Variants in SLC25A42 observed in about 807,000 individuals in gnomAD.
SLC25A42 encodes mitochondrial coenzyme A transporter SLC25A42.
In SLC25A42, 19 loss-of-function variants were observed where a neutral mutation model predicts 34.7. The ratio of observed to expected loss-of-function variants is 0.55; its 90% CI spans 0.38 to 0.80. The LOEUF is 0.80. Among genes scored for constraint, SLC25A42 ranks in the 30% least tolerant of loss-of-function variants. SLC25A42 has a pLI of 0.00. For synonymous variants in SLC25A42, 205 were observed against 191.2 expected (o/e 1.07, Z -0.59); for missense variants, 364 against 441.3 (o/e 0.82, Z 1.57).
Position 19,083,771 on chromosome 19 carries a change from C to G in SLC25A42, c.-34-12320C>G, listed in dbSNP as rs569793311. On this transcript the variant is annotated intron_variant, in intron 1 of 7. Transcript: ENST00000318596. ...CCAGAAAAAGTGAAAGGGTACCTCA[C>G]TCCTGCATACCCCACTGCCCCAGCA... Among the ~76,000 whole-genome samples, 37 of 152,258 alleles carry G rather than the reference C, an allele frequency of 2.4e-4. 1 individual carries two copies. The highest frequency in any genetic ancestry group is 7.5e-4 in the African/African-American group (31 of 41,538).
At chr19:19,097,074 G>A (rs2036997096) in intron 2 of SLC25A42, among the ~76,000 whole-genome samples, 1 of 152,198 alleles carries the variant, frequency 6.6e-6, no homozygotes, top group Admixed American at 6.5e-5. Flanking sequence ...AATTGGGTCA[G>A]CCCTGTTGTT....
At position 19,107,955 on chromosome 19, in the gene SLC25A42, T is replaced by C; in HGVS notation, c.559T>C (p.Tyr187His). 1.2e-6 allele frequency: 2 copies of C among 1,614,060 alleles called. No homozygotes were observed. Among genetic ancestry groups the C allele is most frequent in the Non-Finnish European group, 1.7e-6 (2 of 1,179,968 alleles). The change falls in exon 7 of 8, where the codon TAC becomes CAC. Residue 187 changes from tyrosine to histidine, a missense_variant. Transcript: ENST00000318596. ...GAGAGAAGAGGGGCTGAAGACTCTC[T>C]ACCATGGATTTATGCCCACCGTGCT... ...ISREEGLKTL[Y>H]HGFMPTVLGV...
chr19:19,067,767 C>A (rs989976970), intron 1 of SLC25A42, among the ~76,000 whole-genome samples: 1 of 151,334 alleles, frequency 6.6e-6, no homozygotes, highest in Non-Finnish European at 1.5e-5. Context: ...ATGAGGGCAT[C>A]ATGAGAGATT....
chr19:19,097,056 C>T (rs1342869446), intron 2 of SLC25A42, among the ~76,000 whole-genome samples: 1 of 152,198 alleles, frequency 6.6e-6, no homozygotes, highest in Non-Finnish European at 1.5e-5. Flanking sequence ...AAGATATTCT[C>T]TCAAAGCAAT....
intron 1 of SLC25A42, among the ~76,000 whole-genome samples, chr19:19,086,171 C>T (rs896843599): frequency 6.6e-5 from 10 of 152,314 alleles, no homozygotes; most frequent in African/African-American, 1.4e-4. Context: ...GAGAGAGTCT[C>T]GCTCTGTCAC....
chr19:19,104,338 G>A lies in SLC25A42; in HGVS notation c.188-575G>A, dbSNP rs1244093565. ...CACACACAAGTGGTGGGTGGTGAGG[G>A]GTGAGGGAGGCGGGCTGCCAGACCA... On this transcript the variant is annotated intron_variant, in intron 3 of 7. Transcript: ENST00000318596. Among the ~76,000 whole-genome samples, 5 of 152,166 alleles carry A rather than the reference G, an allele frequency of 3.3e-5. No homozygotes were observed. The East Asian group carries it at 9.6e-4, about 29-fold the overall frequency.
chr19:19,069,400 C>T (rs538418723), intron 1 of SLC25A42, among the ~76,000 whole-genome samples: 8 of 152,258 alleles, frequency 5.3e-5, no homozygotes, highest in Non-Finnish European at 1.0e-4. Context: ...ATTCGTTTCC[C>T]GTGGCTGCCA....
chr19:19,082,262 CTT>C (rs1019746674), intron 1 of SLC25A42, among the ~76,000 whole-genome samples: 2 of 152,206 alleles, frequency 1.3e-5, no homozygotes, highest in Non-Finnish European at 2.9e-5. Flanking sequence ...GAATCTGTGT[CTT>C]TGCCTTTCCC....
Position 19,101,896 on chromosome 19 carries a change from G to A in SLC25A42, c.187+10G>A. 1 of 1,608,096 alleles carries A rather than the reference G, an allele frequency of 6.2e-7. No homozygotes were observed. Among genetic ancestry groups the A allele is most frequent in the Non-Finnish European group, 8.5e-7 (1 of 1,176,228 alleles). ...AAAATCATCTTCCAAGGTAAGTGTT[G>A]GCCATCCCCAGGTGCTAGAGAAGCT... is the stretch of plus-strand genomic sequence containing the variant. On this transcript the variant is annotated intron_variant, in intron 3 of 7. Transcript: ENST00000318596.
At chr19:19,090,894 T>C (rs189731445) in intron 1 of SLC25A42, among the ~76,000 whole-genome samples, 170 of 152,324 alleles carry the variant, frequency 1.1e-3, no homozygotes, top group Non-Finnish European at 2.0e-3. Flanking sequence ...TTTTAGGCTA[T>C]TATGTCCCGA....
chr19:19,099,934 G>C (rs916158537), intron 2 of SLC25A42, among the ~76,000 whole-genome samples: 5 of 151,634 alleles, frequency 3.3e-5, no homozygotes, highest in African/African-American at 1.2e-4. Context: ...CACCATGTTG[G>C]GCACGCTGGT....
intron 1 of SLC25A42, among the ~76,000 whole-genome samples, chr19:19,070,696 C>T (rs906016913): frequency 6.6e-6 from 1 of 152,140 alleles, no homozygotes; most frequent in Non-Finnish European, 1.5e-5. Flanking sequence ...CTGCAAAGAC[C>T]CTATTTCCAA....
At chr19:19,103,591 C>T (rs1311450235) in intron 3 of SLC25A42, among the ~76,000 whole-genome samples, 1 of 152,236 alleles carries the variant, frequency 6.6e-6, no homozygotes, top group Non-Finnish European at 1.5e-5. Flanking sequence ...CTCGCCCTCC[C>T]TCGCTAGGGT....
intron 1 of SLC25A42, among the ~76,000 whole-genome samples, chr19:19,064,508 C>T (rs1342815434): frequency 2.8e-5 from 4 of 145,118 alleles, no homozygotes; most frequent in Non-Finnish European, 6.0e-5. Flanking sequence ...TCGATGACAC[C>T]CCCACACCCA....
chr19:19,078,539 C>T (rs2059666041), intron 1 of SLC25A42, among the ~76,000 whole-genome samples: 1 of 152,148 alleles, frequency 6.6e-6, no homozygotes, highest in Non-Finnish European at 1.5e-5. Context: ...CGATAGAGCC[C>T]GTGAAGGTGT....
intron 2 of SLC25A42, 100 bp downstream of exon 2, chr19:19,096,305 C>A: frequency 1.2e-6 from 1 of 853,764 alleles, no homozygotes. Context: ...CCTCTGCACC[C>A]CCTCCAAACA....
chr19:19,110,870 G>A lies in SLC25A42; in HGVS notation c.951G>A (p.Gln317=). The A allele has an allele frequency of 1.2e-6, 2 of 1,613,780 alleles. No homozygotes were observed. The highest frequency in any genetic ancestry group is 1.7e-6 in the Non-Finnish European group (2 of 1,179,976). Reference sequence around the variant, plus strand: ...TGCAGATCCTGCTGCGGCACCTGCAGAGCTAGGGGACCCTGAGCTGCTCTC... The same window carrying A: ...TGCAGATCCTGCTGCGGCACCTGCAAAGCTAGGGGACCCTGAGCTGCTCTC... ...DLMQILLRHL[Q]S is the part of the protein sequence containing the mutation. The change falls in exon 8 of 8, where the codon CAG becomes CAA. Residue 317 remains glutamine (Q), a synonymous_variant. Transcript: ENST00000318596.
At chr19:19,084,960 T>A (rs2059699892) in intron 1 of SLC25A42, among the ~76,000 whole-genome samples, 1 of 149,326 alleles carries the variant, frequency 6.7e-6, no homozygotes, top group South Asian at 2.1e-4. Context: ...TGGGGGTACA[T>A]GGTCCTCTAG....
chr19:19,068,967 A>G (rs1254858642), intron 1 of SLC25A42, among the ~76,000 whole-genome samples: 1 of 149,896 alleles, frequency 6.7e-6, no homozygotes, highest in East Asian at 2.0e-4. Context: ...TTGAGGCTGC[A>G]GTGAGCCATG....
Sources: allele counts gnomAD v4.1 joint callset (sites outside exome capture counted in the v4.1 genomes callset), GRCh38; gene constraint gnomAD v4.1.1; transcripts MANE v1.5; gene names NCBI Gene and HGNC (gene_info 2026-07-23, HGNC 2026-07-21).